Variants in RAD51B observed in about 807,000 individuals in gnomAD.
The protein encoded by RAD51B is RAD51 paralog B.
In RAD51B, 38 loss-of-function variants were observed where a neutral mutation model predicts 42.2. The observed-to-expected ratio is 0.90, with a 90% CI of 0.70 to 1.18. The LOEUF (loss-of-function observed/expected upper bound fraction) is 1.18. RAD51B is among the 50% of genes most tolerant of loss of function. The pLI, the probability that RAD51B is intolerant of heterozygous loss-of-function variation, is 0.00. For missense variants in RAD51B, 373 were observed against 400.7 expected (o/e 0.93, Z 0.59); for synonymous variants, 154 against 145.2 (o/e 1.06, Z -0.43).
intron 10 of RAD51B, among the ~76,000 whole-genome samples, chr14:68,632,294 T>G (rs1892245967): frequency 2.0e-5 from 3 of 152,038 alleles, no homozygotes. Context: ...AGCTGTGGGG[T>G]GCTCGCTGAA....
chr14:67,922,252 A>G (rs1245313848), intron 7 of RAD51B, among the ~76,000 whole-genome samples: 2 of 152,218 alleles, frequency 1.3e-5, no homozygotes, highest in Admixed American at 6.5e-5. Flanking sequence ...GTTACTTCTC[A>G]GCAAACCTTG....
chr14:68,418,899 A>C (rs1261758258), intron 9 of RAD51B, among the ~76,000 whole-genome samples: 2 of 152,256 alleles, frequency 1.3e-5, no homozygotes, highest in African/African-American at 2.4e-5. Flanking sequence ...TTTACAAATG[A>C]ATCAGCACTT....
intron 7 of RAD51B, among the ~76,000 whole-genome samples, chr14:68,205,664 A>G (rs117998818): frequency 0.078 from 11,810 of 151,930 alleles, 616 homozygotes; most frequent in Non-Finnish European, 0.12. Context: ...CAAGAATGAA[A>G]ACAGTCCACA....
At chr14:67,879,066 A>G (rs556516130) in intron 5 of RAD51B, among the ~76,000 whole-genome samples, 1 of 152,346 alleles carries the variant, frequency 6.6e-6, no homozygotes, top group African/African-American at 2.4e-5. Flanking sequence ...AAATAGAACC[A>G]GTAGAACATA....
intron 10 of RAD51B, chr14:68,610,871 G>T (rs1266523071): frequency 6.4e-6 from 4 of 629,060 alleles, no homozygotes; most frequent in South Asian, 3.6e-5. Flanking sequence ...GTGTGTGTGT[G>T]TGTGTGTGTG....
At chr14:68,545,483 A>G in intron 10 of RAD51B, 1 of 442,962 alleles carries the variant, frequency 2.3e-6, no homozygotes, top group East Asian at 7.0e-5. Context: ...TTCAGAATGG[A>G]ACAATATTGC....
At chr14:67,870,115 G>A (rs1368388709) in intron 5 of RAD51B, among the ~76,000 whole-genome samples, 2 of 149,680 alleles carry the variant, frequency 1.3e-5, no homozygotes, top group African/African-American at 4.9e-5. Flanking sequence ...TGGACTAAAT[G>A]CTCCAATTAA....
rs767409595 is a variant in RAD51B at position 68,077,861 on chromosome 14, CA to C, written c.756+190658del. On this transcript the variant is annotated intron_variant, in intron 7 of 10. Coordinates refer to ENST00000471583, the MANE Select transcript of RAD51B (RefSeq NM_133510.4). ...ATCCCAGCTACTGGGGTGGCTGAGG[CA>C]GGCGAATCGCTTGAACCCGGGAAGT... 4.6e-5 allele frequency among the ~76,000 whole-genome samples: 7 copies of C among 152,242 alleles called. No individual in the cohort carries two copies. The East Asian group carries it at 9.6e-4, about 21-fold the overall frequency.
rs2083189199 is a variant in RAD51B, at chr14:68,368,566, AG to A, written c.854-42856del. Among the ~76,000 whole-genome samples, 5 of 152,332 alleles carry A rather than the reference AG, an allele frequency of 3.3e-5. No individual in the cohort carries two copies. In the South Asian group the frequency reaches 1.0e-3, roughly 32 times the overall value. Reference sequence around the variant, plus strand: ...ATTTCATCTTCCATTCAACTCCAGAAGGTCTATAGTGGCCGCTTGGACTGCT... The same window carrying A: ...ATTTCATCTTCCATTCAACTCCAGAAGTCTATAGTGGCCGCTTGGACTGCT... On this transcript the variant is annotated intron_variant, in intron 8 of 10. Coordinates refer to ENST00000471583, the MANE Select transcript of RAD51B (RefSeq NM_133510.4).
intron 7 of RAD51B, among the ~76,000 whole-genome samples, chr14:68,268,341 C>G (rs1378661173): frequency 1.3e-5 from 2 of 149,594 alleles, no homozygotes; most frequent in South Asian, 4.2e-4. Flanking sequence ...GAAAAGACAA[C>G]TGATCACCAG....
chr14:68,586,732 C>T (rs1167533562), intron 10 of RAD51B, among the ~76,000 whole-genome samples: 12 of 152,178 alleles, frequency 7.9e-5, no homozygotes, highest in South Asian at 2.1e-4. Flanking sequence ...TGGCCGGGTG[C>T]GGTGTTTCAC....
At chr14:67,915,374 T>C (rs1016517459) in intron 7 of RAD51B, among the ~76,000 whole-genome samples, 19 of 152,192 alleles carry the variant, frequency 1.2e-4, no homozygotes, top group African/African-American at 4.1e-4. Context: ...AATGAATAAA[T>C]TGGGTCTTGG....
intron 7 of RAD51B, among the ~76,000 whole-genome samples, chr14:68,166,018 G>A (rs921951180): frequency 4.6e-5 from 7 of 152,008 alleles, no homozygotes; most frequent in African/African-American, 1.4e-4. Context: ...TATTGTGCCC[G>A]ATACCCAGTG....
intron 7 of RAD51B, among the ~76,000 whole-genome samples, chr14:68,290,501 C>T (rs2139656704): frequency 6.6e-6 from 1 of 152,292 alleles, no homozygotes; most frequent in African/African-American, 2.4e-5. Flanking sequence ...ATTTGTGTGG[C>T]ATTCGACCAC....
At chr14:67,834,228 C>G (rs1180291720) in intron 3 of RAD51B, among the ~76,000 whole-genome samples, 2 of 152,140 alleles carry the variant, frequency 1.3e-5, no homozygotes, top group Non-Finnish European at 2.9e-5. Context: ...ATTGAATTCC[C>G]TCTGCCTCTC....
At chr14:68,245,501 CAG>C (rs1465721222) in intron 7 of RAD51B, among the ~76,000 whole-genome samples, 1 of 152,218 alleles carries the variant, frequency 6.6e-6, no homozygotes, top group African/African-American at 2.4e-5. Context: ...TTCCCAAGAA[CAG>C]AGAGGCCTGC....
At chr14:68,237,766 T>C (rs2080293391) in intron 7 of RAD51B, among the ~76,000 whole-genome samples, 1 of 149,136 alleles carries the variant, frequency 6.7e-6, no homozygotes, top group South Asian at 2.2e-4. Context: ...AGACGGAGTC[T>C]TGCTCTGTCA....
chr14:68,521,722 T>G (rs1886596267), intron 10 of RAD51B, among the ~76,000 whole-genome samples: 1 of 152,232 alleles, frequency 6.6e-6, no homozygotes, highest in South Asian at 2.1e-4. Context: ...GCACTGTTCC[T>G]GCAGCAGCTT....
At chr14:68,470,651 A>C in intron 10 of RAD51B, 1 of 481,818 alleles carries the variant, frequency 2.1e-6, no homozygotes, top group Non-Finnish European at 4.0e-6. Context: ...AGACAGAAGA[A>C]AGAGTGAAGA....
Sources: allele counts gnomAD v4.1 joint callset (sites outside exome capture counted in the v4.1 genomes callset), GRCh38; gene constraint gnomAD v4.1.1; transcripts MANE v1.5; gene names NCBI Gene and HGNC (gene_info 2026-07-23, HGNC 2026-07-21).